PSEN2: variants seen among roughly 807,000 people sequenced by gnomAD.
The protein encoded by PSEN2 is presenilin 2, also known as presenilin-2.
Under a neutral mutation model 49.1 loss-of-function variants are expected in PSEN2, and 32 were observed. That is an observed-to-expected ratio of 0.65 (90% CI 0.49 to 0.88). The LOEUF (loss-of-function observed/expected upper bound fraction) is 0.88, where lower values mean the gene tolerates loss of function less well. PSEN2 is among the 40% of genes least tolerant of loss of function. PSEN2 has a pLI of 0.00. For missense variants in PSEN2, 522 were observed against 586.9 expected (o/e 0.89, Z 1.14); for synonymous variants, 255 against 244.0 (o/e 1.05, Z -0.42).
At chr1:226,884,275 C>G (rs1661204255) in intron 5 of PSEN2, among the ~76,000 whole-genome samples, 2 of 152,200 alleles carry the variant, frequency 1.3e-5, no homozygotes, top group Non-Finnish European at 2.9e-5. Flanking sequence ...GCTCTTGATC[C>G]TGGGCATGGC....
Position 226,881,994 on chromosome 1 carries a change from C to T in PSEN2, c.87C>T (p.Arg29=), listed in dbSNP as rs1661027962. The part of the protein sequence containing the change: ...SLMSAESPTP[R]SCQEGRQGPE... Reference sequence around the variant, plus strand: ...TGTCGGCTGAGAGCCCCACGCCGCGCTCCTGCCAGGAGGGCAGGCAGGGCC... The same window carrying T: ...TGTCGGCTGAGAGCCCCACGCCGCGTTCCTGCCAGGAGGGCAGGCAGGGCC... Residue 29 remains arginine, a synonymous_variant, in exon 4 of 13, where the codon CGC becomes CGT. Transcript: ENST00000366783. The T allele has an allele frequency of 1.2e-6, 2 of 1,614,102 alleles. No homozygotes were observed. The highest frequency in any genetic ancestry group is 1.7e-6 in the Non-Finnish European group (2 of 1,179,986).
At chr1:226,892,255 C>T (rs1661809232) in intron 11 of PSEN2, among the ~76,000 whole-genome samples, 1 of 152,200 alleles carries the variant, frequency 6.6e-6, no homozygotes, top group African/African-American at 2.4e-5. Context: ...GAGGAAGTAA[C>T]TGCTGAGCTG....
intron 6 of PSEN2, 59 bp from the exon 7 acceptor site, chr1:226,888,032 G>A (rs1023830249): frequency 7.3e-7 from 1 of 1,367,274 alleles, no homozygotes; most frequent in South Asian, 1.2e-5. Context: ...GGATCCTGGG[G>A]GCCTTAGAAT....
intron 7 of PSEN2, 35 bp from the exon 8 acceptor site, chr1:226,888,794 G>A: frequency 6.3e-7 from 1 of 1,576,842 alleles, no homozygotes; most frequent in Non-Finnish European, 8.7e-7. Context: ...TGCCTCCACT[G>A]AGTCCCAGTC....
At chr1:226,892,000 G>A (rs747956848) in intron 11 of PSEN2, among the ~76,000 whole-genome samples, 156 bp downstream of exon 11, 9 of 152,216 alleles carry the variant, frequency 5.9e-5, no homozygotes, top group African/African-American at 2.2e-4. Flanking sequence ...TGCCTGCAGC[G>A]CTGGGGTCTT....
downstream of PSEN2, chr1:226,897,729 T>C (rs1170786300): frequency 2.6e-5 from 4 of 155,516 alleles, no homozygotes; most frequent in South Asian, 2.0e-4. Context: ...GATTTGTCTT[T>C]AGAAATAAAA....
intron 11 of PSEN2, among the ~76,000 whole-genome samples, chr1:226,893,327 A>T (rs2855560): frequency 2.6e-5 from 4 of 152,012 alleles, no homozygotes; most frequent in African/African-American, 4.8e-5. Context: ...TGGGGGAAGG[A>T]GGACAGCTGG....
In PSEN2 at chr1:226,881,950, G is replaced by A; in HGVS notation, c.43G>A (p.Asp15Asn). 1 of 1,614,134 alleles carries A rather than the reference G, an allele frequency of 6.2e-7. No individual in the cohort carries two copies. Among genetic ancestry groups the A allele is most frequent in the South Asian group, 1.1e-5 (1 of 91,086 alleles). Residue 15 changes from aspartate to asparagine, a missense_variant, in exon 4 of 13, where the codon GAT becomes AAT. Physicochemically the swap from Asp to Asn is conservative, Grantham distance 23. Transcript: ENST00000366783. ...MASDSEEEVC[D>N]ERTSLMSAES... ...CTCTGACAGCGAGGAAGAAGTGTGT[G>A]ATGAGCGGACGTCCCTAATGTCGGC...
chr1:226,893,176 C>G (rs918699869), intron 11 of PSEN2, among the ~76,000 whole-genome samples: 1 of 152,240 alleles, frequency 6.6e-6, no homozygotes, highest in East Asian at 1.9e-4. Flanking sequence ...AGTGATCCAC[C>G]TGCCTTGGCC....
chr1:226,874,726 C>T (rs1476522784), intron 2 of PSEN2, among the ~76,000 whole-genome samples: 6 of 152,150 alleles, frequency 3.9e-5, no homozygotes, highest in African/African-American at 1.2e-4. Flanking sequence ...CTAGGTTTTA[C>T]GATAATCTTG....
At chr1:226,882,088 C>G (rs1297528689) in intron 4 of PSEN2, 40 bp downstream of exon 4, 1 of 1,611,348 alleles carries the variant, frequency 6.2e-7, no homozygotes, top group Admixed American at 1.7e-5. Context: ...AAACAGGTCC[C>G]TGCGGCTACT....
intron 11 of PSEN2, among the ~76,000 whole-genome samples, chr1:226,892,921 C>G (rs1379676446): frequency 6.6e-6 from 1 of 152,140 alleles, no homozygotes; most frequent in African/African-American, 2.4e-5. Flanking sequence ...CTTAAAATTG[C>G]AGTTTGTTTT....
chr1:226,894,144 G>T lies in PSEN2; in HGVS notation c.1191+19G>T, dbSNP rs200034510. ...CCTCATTGTGAGTGGCTGGGGATGC[G>T]TCCAGCTGCCTCGTGGTGGGGGCCC... On this transcript the variant is annotated intron_variant, in intron 12 of 12. Coordinates refer to ENST00000366783, the MANE Select transcript of PSEN2 (RefSeq NM_000447.3). 1.2e-5 allele frequency: 19 copies of T among 1,598,956 alleles called. 1 individual carries two copies. In the South Asian group the frequency reaches 2.0e-4, roughly 17 times the overall value.
intron 12 of PSEN2, among the ~76,000 whole-genome samples, chr1:226,902,127 T>G (rs1046629916): frequency 3.3e-5 from 5 of 152,076 alleles, no homozygotes; most frequent in Non-Finnish European, 7.4e-5. Flanking sequence ...GGGGGATGAT[T>G]TGGAGCTGAA....
intron 6 of PSEN2, among the ~76,000 whole-genome samples, chr1:226,886,653 T>A (rs2102679558): frequency 6.6e-6 from 1 of 152,312 alleles, no homozygotes. Flanking sequence ...CTGCCATCCA[T>A]GGAGCAGGTA....
intron 12 of PSEN2, among the ~76,000 whole-genome samples, chr1:226,902,916 C>T (rs1662360747): frequency 6.6e-6 from 1 of 152,182 alleles, no homozygotes; most frequent in Non-Finnish European, 1.5e-5. Context: ...CCAGAGCCTA[C>T]TCGGAGGGGA....
chr1:226,893,586 G>A (rs2102694081), intron 11 of PSEN2, among the ~76,000 whole-genome samples: 1 of 152,282 alleles, frequency 6.6e-6, no homozygotes, highest in Admixed American at 6.5e-5. Flanking sequence ...TTCTTCAGAG[G>A]ACCTCTGTCT....
intron 3 of PSEN2, among the ~76,000 whole-genome samples, chr1:226,879,981 A>G (rs953184039): frequency 6.6e-6 from 1 of 152,238 alleles, no homozygotes; most frequent in Non-Finnish European, 1.5e-5. Context: ...TCCAGGCCAT[A>G]GCCGGGGTTG....
At chr1:226,894,312 C>T (rs1661971207) in intron 12 of PSEN2, among the ~76,000 whole-genome samples, 187 bp downstream of exon 12, 1 of 152,208 alleles carries the variant, frequency 6.6e-6, no homozygotes, top group South Asian at 2.1e-4. Context: ...GTGCTCGCCC[C>T]TAGGTGGGCT....
Sources: allele counts gnomAD v4.1 joint callset (sites outside exome capture counted in the v4.1 genomes callset), GRCh38; gene constraint gnomAD v4.1.1; transcripts MANE v1.5; gene names NCBI Gene and HGNC (gene_info 2026-07-23, HGNC 2026-07-21).